The following CDH4 variants were observed in gnomAD, a reference collection of about 807,000 sequenced individuals.
CDH4 encodes cadherin 4, also known as cadherin-4.
A neutral mutation model predicts 86.0 loss-of-function variants in CDH4; 33 were observed. That is an observed-to-expected ratio of 0.38 (90% CI 0.29 to 0.51). The LOEUF (loss-of-function observed/expected upper bound fraction) is 0.51. Among genes scored for constraint, CDH4 ranks in the 20% least tolerant of loss-of-function variants. CDH4 has a pLI of 0.86. For missense variants in CDH4, 1,114 were observed against 1,307.4 expected (o/e 0.85, Z 2.28); for synonymous variants, 555 against 549.4 (o/e 1.01, Z -0.14).
At chr20:61,645,732 C>T (rs563951536) in intron 2 of CDH4, among the ~76,000 whole-genome samples, 1 of 152,286 alleles carries the variant, frequency 6.6e-6, no homozygotes, top group East Asian at 1.9e-4. Flanking sequence ...CCCCTTCAAC[C>T]ACCCAGAACC....
At chr20:61,569,929 A>G (rs980146748) in intron 2 of CDH4, among the ~76,000 whole-genome samples, 1 of 152,180 alleles carries the variant, frequency 6.6e-6, no homozygotes, top group African/African-American at 2.4e-5. Context: ...TACAGAATTG[A>G]GGGCCTCATT....
chr20:61,342,818 A>G (rs2084656097), intron 2 of CDH4, among the ~76,000 whole-genome samples: 2 of 152,274 alleles, frequency 1.3e-5, no homozygotes, highest in Non-Finnish European at 2.9e-5. Context: ...GTGAGAGCCC[A>G]GGGGGCAGCA....
Position 61,937,069 on chromosome 20 carries a change from C to G in CDH4, c.*126C>G. On this transcript the variant is annotated 3_prime_UTR_variant, in exon 16 of 16. Coordinates refer to ENST00000614565, the MANE Select transcript of CDH4 (RefSeq NM_001794.5). ...TCCTTAGTGCTGTTAGGAGGCCCCC[C>G]AATCCCCACGTTGAGCTGTCTAGCA... The G allele has an allele frequency of 1.4e-6, 1 of 735,818 alleles. No homozygotes were observed. The highest frequency in any genetic ancestry group is 2.1e-6 in the Non-Finnish European group (1 of 487,230). The allele number at this position is 735,818 out of a possible 1,614,324, so 45.6% of individuals were successfully genotyped here. A position where few individuals can be genotyped will look rare whatever the true frequency, so the allele number is the denominator to read the frequency against.
chr20:61,661,085 G>GGGGT lies in CDH4; in HGVS notation c.170-82475_170-82474insTGGG, dbSNP rs1555821285. Among the ~76,000 whole-genome samples, 3 of 31,354 alleles carry GGGGT rather than the reference G, an allele frequency of 9.6e-5. 1 individual carries two copies. In the South Asian group the frequency reaches 5.9e-3, roughly 62 times the overall value. The allele number at this position is 31,354 out of a possible 152,430, so 20.6% of individuals were successfully genotyped here. A position where few individuals can be genotyped will look rare whatever the true frequency, so the allele number is the denominator to read the frequency against. ...AGGCGGCATGGACAGGAGGCATGGC[G>GGGGT]GGGGGGGGGGAGACACAGTGCCAGG... On this transcript the variant is annotated intron_variant, in intron 2 of 15. Transcript: ENST00000614565.
intron 7 of CDH4, among the ~76,000 whole-genome samples, chr20:61,882,330 C>T (rs1278674735): frequency 6.6e-6 from 1 of 152,258 alleles, no homozygotes; most frequent in Non-Finnish European, 1.5e-5. Flanking sequence ...TCATCTGTGC[C>T]CTCAGCGGCA....
chr20:61,451,128 C>G (rs568059373), intron 2 of CDH4, among the ~76,000 whole-genome samples: 2 of 110,960 alleles, frequency 1.8e-5, no homozygotes, highest in Non-Finnish European at 4.2e-5. Context: ...TCACGCCCCC[C>G]CCCTTCCCTC....
At chr20:61,423,619 GA>G (rs906787609) in intron 2 of CDH4, among the ~76,000 whole-genome samples, 1 of 151,374 alleles carries the variant, frequency 6.6e-6, no homozygotes, top group African/African-American at 2.4e-5. Flanking sequence ...AATGGCTTGG[GA>G]TTTTTTTTGT....
At chr20:61,907,475 A>G (rs1407244022) in intron 8 of CDH4, among the ~76,000 whole-genome samples, 2 of 152,148 alleles carry the variant, frequency 1.3e-5, no homozygotes, top group Non-Finnish European at 2.9e-5. Flanking sequence ...TCTCACCCCC[A>G]GAACATATGG....
At chr20:61,706,942 G>C (rs931422719) in intron 2 of CDH4, among the ~76,000 whole-genome samples, 3 of 152,232 alleles carry the variant, frequency 2.0e-5, no homozygotes, top group African/African-American at 7.2e-5. Context: ...GGGGGCCCTG[G>C]TCTTTAGAAG....
chr20:61,543,502 A>G, intron 2 of CDH4, among the ~76,000 whole-genome samples: 1 of 152,256 alleles, frequency 6.6e-6, no homozygotes, highest in East Asian at 1.9e-4. Context: ...TAACTCTGCT[A>G]ATCTCACAAC....
At chr20:61,831,067 C>T (rs1186681455) in intron 4 of CDH4, among the ~76,000 whole-genome samples, 1 of 152,142 alleles carries the variant, frequency 6.6e-6, no homozygotes, top group East Asian at 1.9e-4. Flanking sequence ...TGGCTACCCT[C>T]AACTCTTGGG....
At chr20:61,478,223 G>A (rs1333948797) in intron 2 of CDH4, among the ~76,000 whole-genome samples, 2 of 152,164 alleles carry the variant, frequency 1.3e-5, no homozygotes, top group Non-Finnish European at 2.9e-5. Context: ...AGCAGAGCGA[G>A]AAGGCAGGAA....
intron 3 of CDH4, among the ~76,000 whole-genome samples, chr20:61,771,259 C>G (rs2088773184): frequency 6.6e-6 from 1 of 151,672 alleles, no homozygotes; most frequent in South Asian, 2.1e-4. Flanking sequence ...ATCCAGCTGT[C>G]TTGACCTCCC....
chr20:61,354,890 T>C (rs894374067), intron 2 of CDH4, among the ~76,000 whole-genome samples: 4 of 152,344 alleles, frequency 2.6e-5, no homozygotes, highest in African/African-American at 9.6e-5. Flanking sequence ...AGCCTCTCTC[T>C]GGCTGCCGAC....
intron 8 of CDH4, among the ~76,000 whole-genome samples, chr20:61,901,678 C>A (rs1430610101): frequency 6.6e-6 from 1 of 152,262 alleles, no homozygotes; most frequent in African/African-American, 2.4e-5. Context: ...CAGCACCCAA[C>A]GCCGGGTGGC....
chr20:61,596,155 G>A (rs2086555851), intron 2 of CDH4, among the ~76,000 whole-genome samples: 2 of 152,186 alleles, frequency 1.3e-5, no homozygotes, highest in Non-Finnish European at 2.9e-5. Context: ...ATTCAGTGCT[G>A]GGATAAAGTA....
intron 7 of CDH4, among the ~76,000 whole-genome samples, chr20:61,875,386 G>A (rs1180253548): frequency 4.6e-5 from 7 of 151,592 alleles, no homozygotes; most frequent in African/African-American, 7.3e-5. Flanking sequence ...CGAGGTGGCC[G>A]CCGGGTTCAG....
At chr20:61,802,963 C>G (rs1979910418) in intron 4 of CDH4, among the ~76,000 whole-genome samples, 1 of 152,226 alleles carries the variant, frequency 6.6e-6, no homozygotes, top group Admixed American at 6.5e-5. Context: ...CTGGCTCTCT[C>G]CAACATGGCA....
At chr20:61,587,051 G>T (rs1358889779) in intron 2 of CDH4, among the ~76,000 whole-genome samples, 1 of 152,144 alleles carries the variant, frequency 6.6e-6, no homozygotes, top group African/African-American at 2.4e-5. Context: ...AATATCTGCA[G>T]GTCAGAGGAG....
Sources: allele counts gnomAD v4.1 joint callset (sites outside exome capture counted in the v4.1 genomes callset), GRCh38; gene constraint gnomAD v4.1.1; transcripts MANE v1.5; gene names NCBI Gene and HGNC (gene_info 2026-07-23, HGNC 2026-07-21).